SLC22A23: variants seen among roughly 807,000 people sequenced by gnomAD.
SLC22A23 encodes the protein ion transporter protein.
A neutral mutation model predicts 61.0 loss-of-function variants in SLC22A23; 26 were observed. The observed-to-expected ratio is 0.43, with a 90% CI of 0.31 to 0.59. The LOEUF is 0.59. Ranked by LOEUF, SLC22A23 falls within the 20% of genes least tolerant of loss-of-function variation. The pLI is 0.11. For missense variants in SLC22A23, 796 were observed against 934.7 expected (o/e 0.85, Z 1.94); for synonymous variants, 430 against 413.9 (o/e 1.04, Z -0.47).
At chr6:3,383,638 A>T (rs1290602406) in intron 3 of SLC22A23, among the ~76,000 whole-genome samples, 1 of 152,234 alleles carries the variant, frequency 6.6e-6, no homozygotes, top group Non-Finnish European at 1.5e-5. Flanking sequence ...AGTGGCGCCA[A>T]CCTTATCTGA....
chr6:3,420,785 T>TA (rs1561969704), intron 1 of SLC22A23, among the ~76,000 whole-genome samples: 1 of 152,256 alleles, frequency 6.6e-6, no homozygotes, highest in East Asian at 1.9e-4. Context: ...CACAAATAGT[T>TA]AAACACTTGG....
chr6:3,335,917 G>A (rs534577001), intron 3 of SLC22A23, among the ~76,000 whole-genome samples: 10 of 152,138 alleles, frequency 6.6e-5, no homozygotes, highest in East Asian at 5.8e-4. Flanking sequence ...GTGAAATCCC[G>A]TCTCTACTAA....
rs868015784 is a variant in SLC22A23, at chr6:3,360,571, C to T, written c.914-36569G>A. Among the ~76,000 whole-genome samples, 21 of 152,350 alleles carry T rather than the reference C, an allele frequency of 1.4e-4. No homozygotes were observed. Among genetic ancestry groups the T allele is most frequent in the Middle Eastern group, 3.4e-3 (1 of 294 alleles). Reference sequence around the variant, plus strand: ...CCGTGGAGGGAGGTCACTTTGGGGCCTTTGCACACATCCGAGTCAACCTCA... The same window carrying T: ...CCGTGGAGGGAGGTCACTTTGGGGCTTTTGCACACATCCGAGTCAACCTCA... On this transcript the variant is annotated intron_variant, in intron 3 of 9. Coordinates refer to ENST00000406686, the MANE Select transcript of SLC22A23 (RefSeq NM_015482.2). This position sits in a 1 kb window ranked among gnomAD's most constrained non-coding sequence, Gnocchi z 4.6.
rs540487169 is a variant in SLC22A23, at chr6:3,329,218, A to C, written c.914-5216T>G. Among the ~76,000 whole-genome samples the C allele has an allele frequency of 5.9e-5, 9 of 151,972 alleles. No individual in the cohort carries two copies. The highest frequency in any genetic ancestry group is 1.2e-4 in the Non-Finnish European group (8 of 68,030). ...ATCTAACTGTTCATTGGATTCAGTG[A>C]TTATAAATAAAATTTTAAAAACCTT... On this transcript the variant is annotated intron_variant, in intron 3 of 9. Transcript: ENST00000406686. This position sits in a 1 kb window ranked among gnomAD's most constrained non-coding sequence, Gnocchi z 4.8.
In SLC22A23 at chr6:3,270,343, G is replaced by A. The variant is rs1193334298; in HGVS notation, c.*2712C>T. 6.6e-6 allele frequency: 1 copy of A among 152,474 alleles called. No homozygotes were observed. The highest frequency in any genetic ancestry group is 1.5e-5 in the Non-Finnish European group (1 of 68,118). 9.4% of individuals were successfully genotyped at this position (152,474 alleles called of 1,614,324 possible). ...CCTGCTGAGCCCGGCGGGCCCAGAT[G>A]CGTATCAGGCTTGGGTGGGTCCTGC... On this transcript the variant is annotated 3_prime_UTR_variant, in exon 10 of 10. Transcript: ENST00000406686.
At chr6:3,316,653 T>A (rs1762659416) in intron 4 of SLC22A23, among the ~76,000 whole-genome samples, 1 of 152,194 alleles carries the variant, frequency 6.6e-6, no homozygotes, top group Admixed American at 6.5e-5. Flanking sequence ...CGTTGTTTTT[T>A]AAGAGATAGG....
intron 1 of SLC22A23, among the ~76,000 whole-genome samples, chr6:3,424,451 A>T (rs917536901): frequency 9.9e-5 from 15 of 152,246 alleles, no homozygotes; most frequent in Non-Finnish European, 1.9e-4. Context: ...TTTCGCAAGC[A>T]CACAACCAAG....
Position 3,324,089 on chromosome 6 carries a change from T to A in SLC22A23, c.914-87A>T. On this transcript the variant is annotated intron_variant, in intron 3 of 9. Coordinates refer to ENST00000406686, the MANE Select transcript of SLC22A23 (RefSeq NM_015482.2). This position sits in a 1 kb window ranked among gnomAD's most constrained non-coding sequence, Gnocchi z 4.3. ...GGTGCACCTGGGCCAGTGCACTGCT[T>A]AACCCACCAACGACTGAAATTGTTT... 1 of 1,482,478 alleles carries A rather than the reference T, an allele frequency of 6.7e-7. No homozygotes were observed. Among genetic ancestry groups the A allele is most frequent in the South Asian group, 1.2e-5 (1 of 80,158 alleles). The allele number at this position is 1,482,478 out of a possible 1,614,324, so 91.8% of individuals were successfully genotyped here.
rs147927738 is a variant in SLC22A23, at chr6:3,397,546, G to C, written c.913+12642C>G. ...GCTATTTGTGGGAGCTACTTTACAT[G>C]GTTACTATGAAATTTACATATCTTT... On this transcript the variant is annotated intron_variant, in intron 3 of 9. Transcript: ENST00000406686. Among the ~76,000 whole-genome samples, 877 of 152,252 alleles carry C rather than the reference G, an allele frequency of 5.8e-3. 2 individuals carry two copies. Among genetic ancestry groups the C allele is most frequent in the Non-Finnish European group, 8.5e-3 (578 of 68,010 alleles).
intron 2 of SLC22A23, among the ~76,000 whole-genome samples, chr6:3,413,837 T>C (rs924167025): frequency 3.9e-5 from 6 of 152,164 alleles, no homozygotes; most frequent in African/African-American, 1.2e-4. Context: ...AATACCAAGC[T>C]TTCAAACTGA....
chr6:3,393,783 T>C (rs748656596), intron 3 of SLC22A23, among the ~76,000 whole-genome samples: 12 of 152,250 alleles, frequency 7.9e-5, no homozygotes, highest in Non-Finnish European at 1.6e-4. Context: ...AGCGGGTAAT[T>C]ATTCTCAGGT....
At chr6:3,320,056 C>T (rs1056599284) in intron 4 of SLC22A23, among the ~76,000 whole-genome samples, 15 of 152,198 alleles carry the variant, frequency 9.9e-5, no homozygotes, top group Non-Finnish European at 1.8e-4. Flanking sequence ...TCAGTTCTCA[C>T]GGCATCAGAG....
At chr6:3,338,557 G>A (rs1763985147) in intron 3 of SLC22A23, among the ~76,000 whole-genome samples, 4 of 152,180 alleles carry the variant, frequency 2.6e-5, no homozygotes, top group South Asian at 4.1e-4. Context: ...ACTCCTGCCC[G>A]CCTTGGCCTC....
intron 1 of SLC22A23, among the ~76,000 whole-genome samples, chr6:3,430,682 T>C (rs1294679655): frequency 6.6e-5 from 10 of 152,192 alleles, no homozygotes; most frequent in Non-Finnish European, 1.3e-4. Flanking sequence ...CAGAAGGTGC[T>C]ATGAGTGTGC....
chr6:3,350,569 C>T lies in SLC22A23; in HGVS notation c.914-26567G>A, dbSNP rs971231028. 3.3e-5 allele frequency among the ~76,000 whole-genome samples: 5 copies of T among 152,220 alleles called. No homozygotes were observed. The East Asian group carries it at 5.8e-4, about 18-fold the overall frequency. On this transcript the variant is annotated intron_variant, in intron 3 of 9. Coordinates refer to ENST00000406686, the MANE Select transcript of SLC22A23 (RefSeq NM_015482.2). Reference sequence around the variant, plus strand: ...GGTGGGGCAGAGACCGTATGGCCTGCACAGCCCAGAATATTCATGTTCTGG... The same window carrying T: ...GGTGGGGCAGAGACCGTATGGCCTGTACAGCCCAGAATATTCATGTTCTGG...
intron 4 of SLC22A23, among the ~76,000 whole-genome samples, chr6:3,306,828 A>C (rs545902598): frequency 6.6e-6 from 1 of 152,234 alleles, no homozygotes; most frequent in Admixed American, 6.5e-5. Context: ...AGAGCCGTTC[A>C]GGACAAGGAC....
intron 3 of SLC22A23, among the ~76,000 whole-genome samples, chr6:3,350,228 C>G (rs1467928236): frequency 6.6e-6 from 1 of 152,102 alleles, no homozygotes; most frequent in Non-Finnish European, 1.5e-5. Flanking sequence ...TAACCCTTAA[C>G]CCAAGCCCTA....
Position 3,298,234 on chromosome 6 carries a change from G to A in SLC22A23, c.1083-16C>T. 6.3e-7 allele frequency: 1 copy of A among 1,587,150 alleles called. No individual in the cohort carries two copies. The highest frequency in any genetic ancestry group is 8.5e-7 in the Non-Finnish European group (1 of 1,169,664). ...GGGGAATATCCTTTAAAGACACAAAGGGGATCAGTGAATGTCTTCCGATTC... is the reference window on the plus strand; with the variant it reads ...GGGGAATATCCTTTAAAGACACAAAAGGGATCAGTGAATGTCTTCCGATTC... On this transcript the variant is annotated splice_polypyrimidine_tract_variant and intron_variant, in intron 4 of 9. Transcript: ENST00000406686.
rs1203179061 is a variant in SLC22A23 at position 3,333,638 on chromosome 6, G to A, written c.914-9636C>T. Among the ~76,000 whole-genome samples, 1 of 152,126 alleles carries A rather than the reference G, an allele frequency of 6.6e-6. No individual in the cohort carries two copies. Among genetic ancestry groups the A allele is most frequent in the Non-Finnish European group, 1.5e-5 (1 of 68,016 alleles). On this transcript the variant is annotated intron_variant, in intron 3 of 9. Coordinates refer to ENST00000406686, the MANE Select transcript of SLC22A23 (RefSeq NM_015482.2). This position sits in a 1 kb window ranked among gnomAD's most constrained non-coding sequence, Gnocchi z 4.1. ...CCATCTTGCCCAGAAGCTTTGCCCT[G>A]ACCATGCTATATAAAATAGTAATCC...
Sources: gnomAD v4.1 joint callset for allele counts (sites outside exome capture counted in the v4.1 genomes callset) on GRCh38, gnomAD v4.1.1 for gene constraint, Gnocchi (gnomAD v3.1) non-coding constraint, MANE v1.5 for transcripts, NCBI Gene and HGNC (gene_info 2026-07-23, HGNC 2026-07-21) for gene names.